CNTN6: variants seen among roughly 807,000 people sequenced by gnomAD.
The protein encoded by CNTN6 is contactin 6.
CNTN6 carries 137 observed loss-of-function variants against 122.8 expected under a neutral mutation model. The observed-to-expected ratio is 1.12, with a 90% CI of 0.97 to 1.29. CNTN6 has a LOEUF of 1.29. Among genes scored for constraint, CNTN6 ranks in the 50% most tolerant of loss-of-function variants. CNTN6 has a pLI of 0.00. For synonymous variants in CNTN6, 570 were observed against 426.0 expected (o/e 1.34, Z -4.16); for missense variants, 1,634 against 1,223.4 (o/e 1.34, Z -5.01).
chr3:1,259,523 T>G (rs2094810955), intron 4 of CNTN6, among the ~76,000 whole-genome samples: 1 of 152,102 alleles, frequency 6.6e-6, no homozygotes. Flanking sequence ...ATTTAATTTC[T>G]ATTTTGGGAA....
At chr3:1,330,082 A>G (rs911573023) in intron 11 of CNTN6, 147 bp downstream of exon 11, 12 of 519,634 alleles carry the variant, frequency 2.3e-5, no homozygotes, top group African/African-American at 4.0e-5. Flanking sequence ...TTCTCATCAT[A>G]GTAAAATTGT....
At chr3:1,129,200 A>G (rs2092267361) in intron 1 of CNTN6, among the ~76,000 whole-genome samples, 1 of 152,056 alleles carries the variant, frequency 6.6e-6, no homozygotes, top group Non-Finnish European at 1.5e-5. Context: ...AACTTTAGAG[A>G]ACATCTATAT....
chr3:1,371,619 T>G (rs1709027893), intron 12 of CNTN6, among the ~76,000 whole-genome samples: 1 of 152,114 alleles, frequency 6.6e-6, no homozygotes, highest in African/African-American at 2.4e-5. Flanking sequence ...GATTGTCCTT[T>G]GAAATTTTGG....
chr3:1,147,955 C>A lies in CNTN6; in HGVS notation c.-54C>A. On this transcript the variant is annotated 5_prime_UTR_variant, in exon 2 of 23. The change creates a new upstream start codon in the 5' untranslated region. Coordinates refer to ENST00000446702, the MANE Select transcript of CNTN6 (RefSeq NM_001289080.2). ...CTTGAGATACTGACTGGAAGATAGA[C>A]TGTTTTGTTCCACCTGATTGTATGG... 1 of 1,294,608 alleles carries A rather than the reference C, an allele frequency of 7.7e-7. No individual in the cohort carries two copies. The highest frequency in any genetic ancestry group is 1.1e-6 in the Non-Finnish European group (1 of 894,322). 80.2% of individuals were successfully genotyped at this position (1,294,608 alleles called of 1,614,324 possible).
At chr3:1,116,904 C>T (rs2091744739) in intron 1 of CNTN6, among the ~76,000 whole-genome samples, 1 of 152,004 alleles carries the variant, frequency 6.6e-6, no homozygotes, top group African/African-American at 2.4e-5. Context: ...AAGGTTTCGC[C>T]ATGTTGGCTG....
intron 7 of CNTN6, among the ~76,000 whole-genome samples, chr3:1,306,630 G>T (rs891358444): frequency 6.9e-6 from 1 of 145,298 alleles, no homozygotes; most frequent in African/African-American, 2.5e-5. Context: ...ATCTGTATAA[G>T]GAAGGCAAAA....
At chr3:1,233,510 C>T (rs545710702) in intron 4 of CNTN6, among the ~76,000 whole-genome samples, 7 of 151,908 alleles carry the variant, frequency 4.6e-5, no homozygotes, top group Admixed American at 3.9e-4. Context: ...CCGAGGCGGG[C>T]GGATCACAAG....
intron 20 of CNTN6, among the ~76,000 whole-genome samples, chr3:1,386,572 A>C (rs1331991573): frequency 6.6e-6 from 1 of 152,184 alleles, no homozygotes; most frequent in African/African-American, 2.4e-5. Flanking sequence ...AAATTGGGAA[A>C]GGTCTGATCA....
At chr3:1,367,728 C>A (rs1197492969) in intron 12 of CNTN6, among the ~76,000 whole-genome samples, 1 of 152,038 alleles carries the variant, frequency 6.6e-6, no homozygotes. Context: ...CACATGCTTG[C>A]CTGGGTAGTC....
intron 13 of CNTN6, 81 bp from the exon 14 acceptor site, chr3:1,372,757 G>T: frequency 1.2e-6 from 1 of 852,744 alleles, no homozygotes; most frequent in Non-Finnish European, 1.8e-6. Context: ...TTTATGTTTC[G>T]TATTTATCCA....
chr3:1,334,702 G>A (rs2126015747), intron 11 of CNTN6, among the ~76,000 whole-genome samples: 1 of 152,160 alleles, frequency 6.6e-6, no homozygotes, highest in East Asian at 1.9e-4. Flanking sequence ...CAGCTAGGCT[G>A]TAAGCTCCAT....
chr3:1,220,589 TA>T, intron 2 of CNTN6, 97 bp from the exon 3 acceptor site: 1 of 1,014,724 alleles, frequency 9.9e-7, no homozygotes, highest in African/African-American at 1.7e-5. Flanking sequence ...TAAAATAAAA[TA>T]ATTTTAAATA....
At chr3:1,299,817 C>G (rs965703128) in intron 7 of CNTN6, among the ~76,000 whole-genome samples, 1 of 152,172 alleles carries the variant, frequency 6.6e-6, no homozygotes, top group Non-Finnish European at 1.5e-5. Context: ...TGCTTATAAT[C>G]TCTATGAATT....
intron 2 of CNTN6, among the ~76,000 whole-genome samples, chr3:1,205,928 G>A (rs956020557): frequency 3.3e-5 from 5 of 152,006 alleles, no homozygotes; most frequent in African/African-American, 7.2e-5. Context: ...GGAAAAATAG[G>A]AAAAAAATCA....
At chr3:1,381,185 G>C (rs155393) in intron 17 of CNTN6, among the ~76,000 whole-genome samples, 74,776 of 152,002 alleles carry the variant, frequency 0.49, 18,717 homozygotes, top group South Asian at 0.65. Context: ...AATCCGAGAT[G>C]AAAGAAACTT....
At chr3:1,108,168 A>G (rs1229225092) in intron 1 of CNTN6, among the ~76,000 whole-genome samples, 1 of 152,060 alleles carries the variant, frequency 6.6e-6, no homozygotes, top group East Asian at 1.9e-4. Context: ...GTAGTAGAAT[A>G]AAATATAGAG....
chr3:1,349,482 T>C (rs2126065909), intron 11 of CNTN6, among the ~76,000 whole-genome samples: 1 of 151,980 alleles, frequency 6.6e-6, no homozygotes, highest in African/African-American at 2.4e-5. Context: ...TTACCAATCC[T>C]TGAGATAAAG....
intron 8 of CNTN6, 70 bp downstream of exon 8, chr3:1,321,904 A>T: frequency 1.5e-6 from 2 of 1,331,630 alleles, no homozygotes; most frequent in South Asian, 1.5e-5. Flanking sequence ...TGTGGAAGTC[A>T]TTAGCATGTT....
At chr3:1,222,494 A>G (rs2094220694) in intron 3 of CNTN6, among the ~76,000 whole-genome samples, 1 of 152,146 alleles carries the variant, frequency 6.6e-6, no homozygotes, top group South Asian at 2.1e-4. Context: ...TATATAAAAA[A>G]TCTATTGGCT....
Sources: gnomAD v4.1 joint callset for allele counts (sites outside exome capture counted in the v4.1 genomes callset) on GRCh38, gnomAD v4.1.1 for gene constraint, MANE v1.5 for transcripts, NCBI Gene and HGNC (gene_info 2026-07-23, HGNC 2026-07-21) for gene names.